Variants in STXBP2 observed in about 807,000 individuals in gnomAD.
STXBP2 encodes the protein syntaxin-binding protein 2.
In STXBP2, 47 loss-of-function variants were observed where a neutral mutation model predicts 72.2. The ratio of observed to expected loss-of-function variants is 0.65; its 90% CI spans 0.51 to 0.83. The LOEUF is 0.83. STXBP2 is among the 40% of genes least tolerant of loss of function. STXBP2 has a pLI of 0.00. For synonymous variants in STXBP2, 367 were observed against 338.7 expected (o/e 1.08, Z -0.92); for missense variants, 702 against 807.6 (o/e 0.87, Z 1.58).
At position 7,642,685 on chromosome 19, in the gene STXBP2, C is replaced by T; in HGVS notation, c.903-81C>T. ...TGGCCTCCAATTTCACCCCACCTCT[C>T]CCTGTCCCCCCTGAGTGGGCTCACC... is the stretch of plus-strand genomic sequence containing the variant. On this transcript the variant is annotated intron_variant, in intron 10 of 18. Transcript: ENST00000221283. This position sits in a 1 kb window ranked among gnomAD's most constrained non-coding sequence, Gnocchi z 6.0. 1 of 1,495,312 alleles carries T rather than the reference C, an allele frequency of 6.7e-7. No homozygotes were observed. 92.6% of individuals were successfully genotyped at this position (1,495,312 alleles called of 1,614,324 possible).
In STXBP2 at chr19:7,642,108, G is replaced by A; in HGVS notation, c.653G>A (p.Ser218Asn). ...AACGCCTTCAAGGCAGACACTCCCA[G>A]TCTGGGCGAGGTGAGGGGGCGTGCT... Reference protein sequence around the residue: ...KLNAFKADTPSLGEGPEKTRS... With the variant: ...KLNAFKADTPNLGEGPEKTRS... Residue 218 changes from serine to asparagine, a missense_variant, in exon 8 of 19, where the codon AGT becomes AAT. By Grantham distance (46) the Ser-to-Asn change is conservative. Coordinates refer to ENST00000221283, the MANE Select transcript of STXBP2 (RefSeq NM_006949.4). The surrounding 1 kb of genome is among the most constrained non-coding windows in gnomAD (Gnocchi z 6.0). 1 of 1,614,132 alleles carries A rather than the reference G, an allele frequency of 6.2e-7. No homozygotes were observed. Among genetic ancestry groups the A allele is most frequent in the Non-Finnish European group, 8.5e-7 (1 of 1,180,018 alleles).
intron 15 of STXBP2, chr19:7,646,047 T>A: frequency 1.7e-6 from 1 of 601,266 alleles, no homozygotes; most frequent in East Asian, 2.8e-5. Flanking sequence ...CTCTCTCCCT[T>A]TGGCTTTCTC....
chr19:7,640,969 A>C lies in STXBP2; in HGVS notation c.395A>C (p.Glu132Ala). 6.2e-7 allele frequency: 1 copy of C among 1,614,164 alleles called. No individual in the cohort carries two copies. Among genetic ancestry groups the C allele is most frequent in the Non-Finnish European group, 8.5e-7 (1 of 1,180,002 alleles). The change falls in exon 6 of 19, where the codon GAG becomes GCG. Residue 132 changes from glutamate to alanine, a missense_variant. Glu to Ala is a moderately radical substitution (Grantham distance 107, BLOSUM62 -1). Coordinates refer to ENST00000221283, the MANE Select transcript of STXBP2 (RefSeq NM_006949.4). ...GCAAAGGTGGTGAAGACGTTGAAGG[A>C]GATTCACCTTGCCTTCCTCCCCTAC... is the stretch of plus-strand genomic sequence containing the variant. ...RLAKVVKTLK[E>A]IHLAFLPYEA... is the part of the protein sequence containing the mutation.
chr19:7,644,811 TG>T, intron 14 of STXBP2, 59 bp downstream of exon 14: 4 of 1,611,350 alleles, frequency 2.5e-6, no homozygotes, highest in Non-Finnish European at 2.5e-6. Context: ...CCCACGATCC[TG>T]GGAACTGCTG....
intron 1 of STXBP2, 54 bp from the exon 2 acceptor site, chr19:7,638,672 C>A: frequency 6.3e-7 from 1 of 1,593,280 alleles, no homozygotes; most frequent in Non-Finnish European, 8.6e-7. Flanking sequence ...AGGCTTGGGG[C>A]AGTGGTGGGA....
At chr19:7,633,527 G>A (rs573307860), upstream of STXBP2, 13 of 1,473,716 alleles carry the variant, frequency 8.8e-6, no homozygotes, top group African/African-American at 5.6e-5. Context: ...CCTTTTAAAC[G>A]TCCAGGACGT....
intron 4 of STXBP2, chr19:7,640,160 ATG>A (rs747213915): frequency 0.026 from 11,959 of 460,162 alleles, 610 homozygotes; most frequent in Admixed American, 0.16. Context: ...GTGCATCTGT[ATG>A]TGTGTGTGTG....
At chr19:7,643,470 A>T (rs983996010) in intron 13 of STXBP2, among the ~76,000 whole-genome samples, 1 of 150,778 alleles carries the variant, frequency 6.6e-6, no homozygotes, top group Non-Finnish European at 1.5e-5. Flanking sequence ...GGGCTTGGAG[A>T]GGTCAGACTT....
intron 6 of STXBP2, chr19:7,641,327 A>G (rs1482290658): frequency 2.0e-6 from 1 of 493,880 alleles, no homozygotes; most frequent in South Asian, 2.0e-5. Context: ...CTATGATTGC[A>G]CTGCTGCCCT....
intron 1 of STXBP2, 49 bp from the exon 2 acceptor site, chr19:7,638,677 G>C (rs375399358): frequency 4.4e-6 from 7 of 1,606,436 alleles, no homozygotes; most frequent in Admixed American, 1.7e-5. Context: ...TGGGGCAGTG[G>C]TGGGACCAGA....
chr19:7,646,597 C>T, intron 16 of STXBP2: 1 of 575,734 alleles, frequency 1.7e-6, no homozygotes, highest in Non-Finnish European at 3.2e-6. Flanking sequence ...TCTCTCTAGT[C>T]TGTTCCCCTG....
In STXBP2 at chr19:7,638,707, T is replaced by C; in HGVS notation, c.38-19T>C. ...ACCAGAGAACCAGCATTCTGACCCCTCCCCTCCCTTCCCTGCAGAAATTCT... is the reference window on the plus strand; with the variant it reads ...ACCAGAGAACCAGCATTCTGACCCCCCCCCTCCCTTCCCTGCAGAAATTCT... On this transcript the variant is annotated intron_variant, in intron 1 of 18. Transcript: ENST00000221283. The C allele has an allele frequency of 6.2e-7, 1 of 1,613,236 alleles. No individual in the cohort carries two copies. Among genetic ancestry groups the C allele is most frequent in the East Asian group, 2.2e-5 (1 of 44,852 alleles).
At chr19:7,639,232 G>A in intron 3 of STXBP2, 132 bp downstream of exon 3, 3 of 950,368 alleles carry the variant, frequency 3.2e-6, no homozygotes, top group Admixed American at 2.0e-5. Context: ...GCAGCTCCCT[G>A]CACGGACAGC....
chr19:7,644,593 C>T lies in STXBP2; in HGVS notation c.1108-21C>T, dbSNP rs368901075. 4.5e-5 allele frequency: 73 copies of T among 1,610,076 alleles called. No individual in the cohort carries two copies. In the African/African-American group the frequency reaches 5.2e-4, roughly 11 times the overall value. ...TCCCTGACACATAGCGGCCGGTGGACGGCTGACCCCATGCCCGCAGGACCT... is the reference window on the plus strand; with the variant it reads ...TCCCTGACACATAGCGGCCGGTGGATGGCTGACCCCATGCCCGCAGGACCT... On this transcript the variant is annotated intron_variant, in intron 13 of 18. Transcript: ENST00000221283.
At chr19:7,631,971 T>G (rs1330713291), upstream of STXBP2, 19 of 706,778 alleles carry the variant, frequency 2.7e-5, no homozygotes, top group Admixed American at 6.8e-4. Flanking sequence ...GGCATTTGAG[T>G]GTGAGGTGGC....
chr19:7,645,645 CA>C, intron 15 of STXBP2, among the ~76,000 whole-genome samples: 1 of 152,080 alleles, frequency 6.6e-6, no homozygotes, highest in East Asian at 1.9e-4. Context: ...TCTGGGCTCC[CA>C]GGGGTCTCTG....
rs766121039 is a variant in STXBP2 at position 7,647,400 on chromosome 19, C to T, written c.1585C>T (p.Arg529Trp). Residue 529 changes from arginine to tryptophan, a missense_variant, in exon 18 of 19, where the codon CGG (arginine) becomes TGG (tryptophan). Coordinates refer to ENST00000221283, the MANE Select transcript of STXBP2 (RefSeq NM_006949.4). ...CAAGAACAAGGCTGGCATAGAAGCC[C>T]GGGCGGGCCCCCGGCTCATCGTGTA... Reference protein sequence around the residue: ...WHKNKAGIEARAGPRLIVYVM... With the variant: ...WHKNKAGIEAWAGPRLIVYVM... 1.5e-5 allele frequency: 25 copies of T among 1,613,372 alleles called. No individual in the cohort carries two copies. The highest frequency in any genetic ancestry group is 6.6e-5 in the South Asian group (6 of 91,084).
At chr19:7,631,404 G>GGT in the STXBP2 span, 3 of 1,065,396 alleles carry the variant, frequency 2.8e-6, no homozygotes, top group Admixed American at 7.5e-5. Flanking sequence ...GTGGGCGGGG[G>GGT]GGGGTGGTCC....
At chr19:7,646,029 G>A in intron 15 of STXBP2, 1 of 591,684 alleles carries the variant, frequency 1.7e-6, no homozygotes, top group East Asian at 2.8e-5. Flanking sequence ...GTCTTTCTCT[G>A]GCTCGCTCTC....
Sources: allele counts gnomAD v4.1 joint callset (sites outside exome capture counted in the v4.1 genomes callset), GRCh38; gene constraint gnomAD v4.1.1; non-coding constraint Gnocchi (gnomAD v3.1); transcripts MANE v1.5; gene names NCBI Gene and HGNC (gene_info 2026-07-23, HGNC 2026-07-21).